EML2: variants seen among roughly 807,000 people sequenced by gnomAD.
The protein encoded by EML2 is echinoderm microtubule-associated protein-like 2.
EML2 carries 59 observed loss-of-function variants against 84.7 expected under a neutral mutation model. The observed-to-expected ratio is 0.70, with a 90% confidence interval of 0.56 to 0.86. The LOEUF (loss-of-function observed/expected upper bound fraction) is 0.86. EML2 is among the 40% of genes least tolerant of loss of function. The pLI is 0.00. For synonymous variants in EML2, 352 were observed against 348.9 expected (o/e 1.01, Z -0.10); for missense variants, 818 against 855.6 (o/e 0.96, Z 0.55).
intron 17 of EML2, 49 bp downstream of exon 17, chr19:45,614,554 GTC>G (rs1253025779): frequency 6.6e-7 from 1 of 1,512,010 alleles, no homozygotes; most frequent in Non-Finnish European, 9.2e-7. Flanking sequence ...CAGCGGGGAT[GTC>G]TCTCAGAACT....
upstream of EML2, chr19:45,645,014 G>T (rs952333828): frequency 1.1e-5 from 6 of 564,806 alleles, no homozygotes; most frequent in Admixed American, 6.0e-5. Context: ...CCAATCCCAG[G>T]TTCCTTCGGG....
chr19:45,645,255 A>G, upstream of EML2: 1 of 1,532,262 alleles, frequency 6.5e-7, no homozygotes, highest in Non-Finnish European at 8.7e-7. Context: ...CAAGGTCGGA[A>G]CTGAGGAGGG....
chr19:45,624,111 CATA>C (rs1972030355), intron 9 of EML2, among the ~76,000 whole-genome samples: 1 of 152,224 alleles, frequency 6.6e-6, no homozygotes, highest in African/African-American at 2.4e-5. Flanking sequence ...ATCTGTTCTT[CATA>C]ACACATTAAT....
chr19:45,620,375 A>G (rs1971548142), intron 11 of EML2, among the ~76,000 whole-genome samples: 1 of 152,048 alleles, frequency 6.6e-6, no homozygotes, highest in African/African-American at 2.4e-5. Flanking sequence ...CGGCCTCCCA[A>G]AGTAATATTA....
At chr19:45,642,474 G>A, upstream of EML2, 1 of 1,443,420 alleles carries the variant, frequency 6.9e-7, no homozygotes. Flanking sequence ...CCCGCTACCT[G>A]GGGCTGGGAC....
chr19:45,643,402 C>A (rs1330561344), upstream of EML2, among the ~76,000 whole-genome samples: 1 of 152,204 alleles, frequency 6.6e-6, no homozygotes, highest in Non-Finnish European at 1.5e-5. Context: ...TTCCTCTTTT[C>A]TGTTCCCCTT....
chr19:45,626,848 G>A lies in EML2; in HGVS notation c.607-9C>T. On this transcript the variant is annotated splice_polypyrimidine_tract_variant and intron_variant, in intron 7 of 18. Coordinates refer to ENST00000245925, the MANE Select transcript of EML2 (RefSeq NM_012155.4). Reference sequence around the variant, plus strand: ...ACAGCCTCATTGGAGCACTTTGGGGGGTGGGGGAGATTCTGAATGAGGACC... The same window carrying A: ...ACAGCCTCATTGGAGCACTTTGGGGAGTGGGGGAGATTCTGAATGAGGACC... 6.2e-7 allele frequency: 1 copy of A among 1,605,050 alleles called. No individual in the cohort carries two copies. The highest frequency in any genetic ancestry group is 1.3e-5 in the African/African-American group (1 of 74,846).
chr19:45,616,659 A>G (rs929002440), intron 14 of EML2, 101 bp from the exon 15 acceptor site: 27 of 1,380,838 alleles, frequency 2.0e-5, no homozygotes, highest in Non-Finnish European at 2.6e-5. Context: ...TCCCCACTGC[A>G]TCCCTCCTAG....
intron 3 of EML2, among the ~76,000 whole-genome samples, chr19:45,637,564 G>A (rs1164145579): frequency 1.4e-5 from 2 of 140,670 alleles, no homozygotes; most frequent in Non-Finnish European, 3.0e-5. Context: ...CTGCAACCTC[G>A]ACCTCCCAGG....
chr19:45,645,627 T>C, upstream of EML2: 1 of 567,346 alleles, frequency 1.8e-6, no homozygotes, highest in Non-Finnish European at 3.0e-6. Context: ...ACAACCGGAG[T>C]ATAGTCTCTC....
rs149612433 is a variant in EML2 at position 45,626,748 on chromosome 19, G to C, written c.698C>G (p.Thr233Ser). 23 of 1,613,784 alleles carry C rather than the reference G, an allele frequency of 1.4e-5. No individual in the cohort carries two copies. The East Asian group carries it at 5.1e-4, about 36-fold the overall frequency. Residue 233 changes from threonine to serine, a missense_variant, in exon 8 of 19, where the codon ACC becomes AGC. Thr to Ser is a moderately conservative substitution (Grantham distance 58). Transcript: ENST00000245925. Reference protein sequence around the residue: ...TCGKSHIYFWTLEGGSLSKRQ... With the variant: ...TCGKSHIYFWSLEGGSLSKRQ... ...CTTGCTCAAGCTGCCCCCCTCCAAG[G>C]TCCAGAAGTAGATGTGAGATTTCCC...
chr19:45,621,291 G>A lies in EML2; in HGVS notation c.1038C>T (p.Gly346=), dbSNP rs1338625480. Residue 346 remains glycine, a synonymous_variant, in exon 11 of 19, where the codon GGC becomes GGT. Transcript: ENST00000245925. ...DFGPVRTVAE[G]HGDTLYVGTT... ...TCCCCACGTACAGTGTGTCTCCGTG[G>A]CCCTCTGCCACGGTGCGCACAGGGC... 1 of 1,612,896 alleles carries A rather than the reference G, an allele frequency of 6.2e-7. No homozygotes were observed. Among genetic ancestry groups the A allele is most frequent in the South Asian group, 1.1e-5 (1 of 90,994 alleles).
intron 8 of EML2, among the ~76,000 whole-genome samples, chr19:45,625,963 A>T (rs1428105307): frequency 6.6e-6 from 1 of 151,582 alleles, no homozygotes; most frequent in Non-Finnish European, 1.5e-5. Context: ...ATTGCAGTCA[A>T]CCTCCTGGGC....
chr19:45,635,621 T>TCG lies in EML2; in HGVS notation c.180-1152_180-1151dup, dbSNP rs1194623942. Reference sequence around the variant, plus strand: ...TTTTTTTTTTTTTTGAGATGGAGTTTCGCTCTTGTTGCCCAGGCTGGAGTG... The same window carrying TCG: ...TTTTTTTTTTTTTTGAGATGGAGTTTCGCGCTCTTGTTGCCCAGGCTGGAGTG... On this transcript the variant is annotated intron_variant, in intron 3 of 18. Coordinates refer to ENST00000245925, the MANE Select transcript of EML2 (RefSeq NM_012155.4). 2.1e-5 allele frequency among the ~76,000 whole-genome samples: 3 copies of TCG among 143,960 alleles called. No individual in the cohort carries two copies. In the South Asian group the frequency reaches 6.9e-4, roughly 33 times the overall value. The allele number at this position is 143,960 out of a possible 152,430, so 94.4% of individuals were successfully genotyped here. A position where few individuals can be genotyped will look rare whatever the true frequency, so the allele number is the denominator to read the frequency against.
Position 45,634,389 on chromosome 19 carries a change from C to T in EML2, c.262G>A (p.Ala88Thr), listed in dbSNP as rs768037437. ...GEIVYFVASVAVLYSVEEQRQ... is the reference protein window; with the variant it reads ...GEIVYFVASVTVLYSVEEQRQ... ...TGCTCCTCCACGCTGTATAGCACGG[C>T]TACGGAGGCCACAAAGTACACTATC... The change falls in exon 4 of 19, where the codon GCC (alanine) becomes ACC (threonine). Residue 88 changes from alanine (A) to threonine (T), a missense_variant. Transcript: ENST00000245925. The T allele has an allele frequency of 6.2e-7, 1 of 1,614,094 alleles. No individual in the cohort carries two copies. Among genetic ancestry groups the T allele is most frequent in the South Asian group, 1.1e-5 (1 of 91,082 alleles).
At chr19:45,639,899 C>T (rs2122824298), upstream of EML2, 1 of 152,302 alleles carries the variant, frequency 6.6e-6, no homozygotes, top group South Asian at 2.1e-4. Flanking sequence ...GAGGCTGAGG[C>T]AGGAAAATCA....
chr19:45,625,265 G>A (rs563184888), intron 8 of EML2, among the ~76,000 whole-genome samples: 2 of 151,206 alleles, frequency 1.3e-5, no homozygotes, highest in Admixed American at 1.3e-4. Flanking sequence ...TTTTTCAGAC[G>A]GAGTCTCGCT....
chr19:45,645,011 C>T (rs1434978454), upstream of EML2: 3 of 562,820 alleles, frequency 5.3e-6, no homozygotes, highest in African/African-American at 3.8e-5. Flanking sequence ...CTTCCAATCC[C>T]AGGTTCCTTC....
At chr19:45,638,363 G>T in intron 3 of EML2, 142 bp downstream of exon 3, 1 of 1,182,724 alleles carries the variant, frequency 8.5e-7, no homozygotes, top group Non-Finnish European at 1.2e-6. Context: ...CTTGTTTTGT[G>T]TGTTGCCCAG....
Sources: gnomAD v4.1 joint callset for allele counts (sites outside exome capture counted in the v4.1 genomes callset) on GRCh38, gnomAD v4.1.1 for gene constraint, MANE v1.5 for transcripts, NCBI Gene and HGNC (gene_info 2026-07-23, HGNC 2026-07-21) for gene names.